Variants in RTN1 observed in about 807,000 individuals in gnomAD.
RTN1 encodes the protein reticulon 1.
A neutral mutation model predicts 65.5 loss-of-function variants in RTN1; 25 were observed. The ratio of observed to expected loss-of-function variants is 0.38; its 90% CI spans 0.28 to 0.53. The LOEUF is 0.53. RTN1 is among the 20% of genes least tolerant of loss of function. The pLI is 0.79. For missense variants in RTN1, 983 were observed against 1,025.4 expected, an observed-to-expected ratio of 0.96 and a Z score of 0.57; for synonymous variants, 471 against 447.6, an observed-to-expected ratio of 1.05 and a Z score of -0.66.
chr14:59,695,839 T>A (rs1480028586), intron 3 of RTN1, among the ~76,000 whole-genome samples: 1 of 152,008 alleles, frequency 6.6e-6, no homozygotes, highest in African/African-American at 2.4e-5. Context: ...TATATTTATA[T>A]ATACATATAC....
intron 1 of RTN1, among the ~76,000 whole-genome samples, chr14:59,842,708 A>G (rs1052723854): frequency 2.0e-5 from 3 of 152,222 alleles, no homozygotes; most frequent in Admixed American, 2.0e-4. Context: ...TTTCACAAAC[A>G]CACCAAACTA....
intron 1 of RTN1, among the ~76,000 whole-genome samples, chr14:59,817,392 C>A (rs1417772191): frequency 6.6e-6 from 1 of 152,174 alleles, no homozygotes; most frequent in Non-Finnish European, 1.5e-5. Flanking sequence ...GGATCAGCTT[C>A]TTCAAAAGTC....
chr14:59,755,042 C>T (rs944317073), intron 1 of RTN1, among the ~76,000 whole-genome samples: 3 of 152,170 alleles, frequency 2.0e-5, no homozygotes, highest in African/African-American at 7.2e-5. Context: ...CTACAGATGC[C>T]TTCTTCCTGT....
Position 59,870,296 on chromosome 14 carries a change from G to A in RTN1, c.241+94C>T, listed in dbSNP as rs1887873168. ...GGGGTCGGCGCTCAAGGCAGAAAGC[G>A]CGAGGCAGGTGCCCAGGAGAGCCGC... is the stretch of plus-strand genomic sequence containing the variant. On this transcript the variant is annotated intron_variant, in intron 1 of 8. Transcript: ENST00000267484. This position sits in a 1 kb window ranked among gnomAD's most constrained non-coding sequence, Gnocchi z 5.1. 3.2e-6 allele frequency: 4 copies of A among 1,260,144 alleles called. No individual in the cohort carries two copies. The highest frequency in any genetic ancestry group is 3.0e-5 in the East Asian group (1 of 33,134). 78.1% of individuals were successfully genotyped at this position (1,260,144 alleles called of 1,614,324 possible). A position where few individuals can be genotyped will look rare whatever the true frequency, so the allele number is the denominator to read the frequency against.
chr14:59,693,200 T>G (rs1172332370), intron 3 of RTN1, among the ~76,000 whole-genome samples: 1 of 152,210 alleles, frequency 6.6e-6, no homozygotes, highest in East Asian at 1.9e-4. Context: ...TCTATGGTAT[T>G]TTATTATAGC....
At chr14:59,802,373 C>G (rs1469759007) in intron 1 of RTN1, among the ~76,000 whole-genome samples, 1 of 152,128 alleles carries the variant, frequency 6.6e-6, no homozygotes, top group Non-Finnish European at 1.5e-5. Context: ...TAGAAAAATA[C>G]ATGGCACTAG....
intron 3 of RTN1, among the ~76,000 whole-genome samples, chr14:59,683,440 C>G (rs1472152575): frequency 9.7e-6 from 1 of 103,200 alleles, no homozygotes; most frequent in African/African-American, 3.9e-5. Context: ...ATTTAACTTT[C>G]TTTTAGAAAA....
At chr14:59,651,944 AAAGGTCTCATATCCACCATTT>A (rs545963181) in intron 3 of RTN1, among the ~76,000 whole-genome samples, 106 of 152,310 alleles carry the variant, frequency 7.0e-4, no homozygotes, top group African/African-American at 2.5e-3. Flanking sequence ...ACTATGCATC[AAAGGTCTCATATCCACCATTT>A]ATAAGGAACT....
rs565274896 is a variant in RTN1, at chr14:59,685,077, C to T, written c.1765+41842G>A. 1.3e-4 allele frequency among the ~76,000 whole-genome samples: 20 copies of T among 152,184 alleles called. No homozygotes were observed. In the East Asian group the frequency reaches 3.9e-3, roughly 29 times the overall value. Reference sequence around the variant, plus strand: ...CATTAACAGAATGCAGGATAAGACCCATATGATAATTTTAGTAGATGCAGA... The same window carrying T: ...CATTAACAGAATGCAGGATAAGACCTATATGATAATTTTAGTAGATGCAGA... On this transcript the variant is annotated intron_variant, in intron 3 of 8. Coordinates refer to ENST00000267484, the MANE Select transcript of RTN1 (RefSeq NM_021136.3).
chr14:59,723,690 C>T (rs1298907538), intron 3 of RTN1, among the ~76,000 whole-genome samples: 1 of 152,076 alleles, frequency 6.6e-6, no homozygotes, highest in Non-Finnish European at 1.5e-5. Context: ...GTATAAGAAT[C>T]ACATATGCAC....
At chr14:59,749,410 CTATATATATCTATATATCTATAT>C (rs1566711795) in intron 1 of RTN1, among the ~76,000 whole-genome samples, 6 of 55,828 alleles carry the variant, frequency 1.1e-4, no homozygotes, top group African/African-American at 8.5e-4. Context: ...ATATCTATAT[CTATATATATCTATATATCTATAT>C]ATATCTATAT....
chr14:59,789,128 A>T (rs1408723850), intron 1 of RTN1, among the ~76,000 whole-genome samples: 2 of 151,980 alleles, frequency 1.3e-5, no homozygotes, highest in Non-Finnish European at 2.9e-5. Context: ...TCTTTAGCTT[A>T]ATTATGTAAT....
At chr14:59,607,925 A>C (rs1881817730) in intron 3 of RTN1, among the ~76,000 whole-genome samples, 1 of 150,552 alleles carries the variant, frequency 6.6e-6, no homozygotes, top group African/African-American at 2.4e-5. Flanking sequence ...AGAGAGAGAG[A>C]GCCCCTGGAG....
At chr14:59,657,688 C>G (rs1883151055) in intron 3 of RTN1, among the ~76,000 whole-genome samples, 1 of 152,202 alleles carries the variant, frequency 6.6e-6, no homozygotes, top group Non-Finnish European at 1.5e-5. Context: ...AGGGACTGTG[C>G]CATGAGGAAT....
rs181479339 is a variant in RTN1, at chr14:59,851,161, A to T, written c.241+19229T>A. On this transcript the variant is annotated intron_variant, in intron 1 of 8. Coordinates refer to ENST00000267484, the MANE Select transcript of RTN1 (RefSeq NM_021136.3). ...ATTGACGTGATAATACATGGAGCAT[A>T]TCATTCAATATCTTTCAATAAACGT... Among the ~76,000 whole-genome samples, 378 of 152,372 alleles carry T rather than the reference A, an allele frequency of 2.5e-3. 1 individual carries two copies. Among genetic ancestry groups the T allele is most frequent in the African/African-American group, 8.8e-3 (366 of 41,594 alleles).
At chr14:59,686,458 G>A (rs922793387) in intron 3 of RTN1, among the ~76,000 whole-genome samples, 17 of 152,212 alleles carry the variant, frequency 1.1e-4, no homozygotes, top group African/African-American at 4.1e-4. Flanking sequence ...TATAAGGATT[G>A]TTTTCCAAGA....
intron 3 of RTN1, among the ~76,000 whole-genome samples, chr14:59,650,660 G>T (rs1021459377): frequency 6.6e-6 from 1 of 152,090 alleles, no homozygotes; most frequent in African/African-American, 2.4e-5. Context: ...ATTCACAGTT[G>T]CCACAAAAAG....
chr14:59,677,547 T>C (rs1883653645), intron 3 of RTN1, among the ~76,000 whole-genome samples: 1 of 152,204 alleles, frequency 6.6e-6, no homozygotes, highest in Non-Finnish European at 1.5e-5. Context: ...CAGAGCATGA[T>C]GGCAAAGGAA....
chr14:59,603,725 T>C (rs376213652), intron 6 of RTN1, 127 bp downstream of exon 6: 20 of 601,760 alleles, frequency 3.3e-5, no homozygotes, highest in African/African-American at 3.1e-4. Flanking sequence ...AGAAGTGCTC[T>C]GCACTCAGGG....
Sources: gnomAD v4.1 joint callset for allele counts (sites outside exome capture counted in the v4.1 genomes callset) on GRCh38, gnomAD v4.1.1 for gene constraint, Gnocchi (gnomAD v3.1) non-coding constraint, MANE v1.5 for transcripts, NCBI Gene and HGNC (gene_info 2026-07-23, HGNC 2026-07-21) for gene names.